Variants in MED27 observed in about 807,000 individuals in gnomAD.
MED27 encodes mediator complex subunit 27.
MED27 carries 30 observed loss-of-function variants against 38.2 expected under a neutral mutation model. The observed-to-expected ratio is 0.79, with a 90% confidence interval of 0.59 to 1.07. The LOEUF (loss-of-function observed/expected upper bound fraction) is 1.07. MED27 is among the 50% of genes least tolerant of loss of function. The probability of loss-of-function intolerance (pLI) is 0.00; values close to 1 mark genes in which losing one functional copy is unlikely to be tolerated. For missense variants in MED27, 289 were observed against 397.5 expected, an observed-to-expected ratio of 0.73 and a Z score of 2.32; for synonymous variants, 122 against 153.5, an observed-to-expected ratio of 0.79 and a Z score of 1.52.
chr9:131,865,575 C>T (rs1838722917), intron 6 of MED27, among the ~76,000 whole-genome samples: 1 of 152,178 alleles, frequency 6.6e-6, no homozygotes, highest in Non-Finnish European at 1.5e-5. Context: ...TCCAGTGTAG[C>T]CCCTGTTGGA....
At chr9:132,034,703 G>A (rs934718422) in intron 2 of MED27, among the ~76,000 whole-genome samples, 2 of 152,098 alleles carry the variant, frequency 1.3e-5, no homozygotes, top group African/African-American at 4.8e-5. Context: ...TGGCACCCAG[G>A]GGGTTCAGGA....
chr9:131,899,948 G>A (rs1304078537), intron 4 of MED27, among the ~76,000 whole-genome samples: 1 of 152,204 alleles, frequency 6.6e-6, no homozygotes, highest in Non-Finnish European at 1.5e-5. Flanking sequence ...GCCCACCGAC[G>A]GGGGCTACAG....
chr9:131,987,400 A>G (rs1307078621), intron 3 of MED27, among the ~76,000 whole-genome samples: 2 of 152,116 alleles, frequency 1.3e-5, no homozygotes, highest in African/African-American at 4.8e-5. Context: ...TAAAGTAGCA[A>G]AGCGGAGTCA....
chr9:132,060,504 A>G (rs1248228674), intron 2 of MED27, among the ~76,000 whole-genome samples: 5 of 152,164 alleles, frequency 3.3e-5, no homozygotes, highest in South Asian at 2.1e-4. Flanking sequence ...CCCGACTGTG[A>G]CCACTGCACG....
At chr9:132,038,385 G>C (rs1163863565) in intron 2 of MED27, among the ~76,000 whole-genome samples, 1 of 151,302 alleles carries the variant, frequency 6.6e-6, no homozygotes, top group East Asian at 1.9e-4. Flanking sequence ...GTAGAGACGG[G>C]GTTTCACCGT....
intron 5 of MED27, among the ~76,000 whole-genome samples, chr9:131,891,809 A>T (rs1839233344): frequency 6.6e-6 from 1 of 152,168 alleles, no homozygotes; most frequent in Non-Finnish European, 1.5e-5. Context: ...CGGTGCGTGC[A>T]TTCTTCAGTG....
intron 3 of MED27, among the ~76,000 whole-genome samples, chr9:131,973,887 T>A (rs1387934140): frequency 3.0e-4 from 45 of 151,810 alleles, no homozygotes; most frequent in African/African-American, 9.4e-4. Flanking sequence ...TTTTCTATTT[T>A]TTTTTTTTTT....
intron 4 of MED27, among the ~76,000 whole-genome samples, chr9:131,932,941 G>A (rs1830615981): frequency 6.6e-6 from 1 of 152,078 alleles, no homozygotes. Context: ...ATTTATTCCA[G>A]GGATGTAAAG....
chr9:131,882,172 C>T (rs1428181720), intron 6 of MED27, among the ~76,000 whole-genome samples: 2 of 152,158 alleles, frequency 1.3e-5, no homozygotes, highest in Non-Finnish European at 2.9e-5. Flanking sequence ...GGTTTTCAGC[C>T]TCAGACTACT....
chr9:131,994,590 T>G (rs761727353), intron 3 of MED27, among the ~76,000 whole-genome samples: 1 of 152,202 alleles, frequency 6.6e-6, no homozygotes, highest in Non-Finnish European at 1.5e-5. Flanking sequence ...ATTGCCACCA[T>G]GGTATCAGAT....
intron 4 of MED27, among the ~76,000 whole-genome samples, chr9:131,908,663 C>T (rs369041164): frequency 1.3e-5 from 2 of 152,042 alleles, no homozygotes; most frequent in African/African-American, 4.8e-5. Context: ...TTTGTTAAAC[C>T]GATGCTTGAA....
chr9:132,039,000 T>TGGA (rs1833145624), intron 2 of MED27, among the ~76,000 whole-genome samples: 1 of 152,182 alleles, frequency 6.6e-6, no homozygotes, highest in African/African-American at 2.4e-5. Flanking sequence ...GACAAGAACA[T>TGGA]GGAGGTCAAC....
intron 4 of MED27, among the ~76,000 whole-genome samples, chr9:131,894,854 G>A (rs1460543860): frequency 5.3e-5 from 8 of 152,080 alleles, no homozygotes; most frequent in Admixed American, 2.6e-4. Context: ...TCAAGGAGGC[G>A]GATCCCTCAG....
At chr9:132,013,016 C>G (rs1832517152) in intron 3 of MED27, among the ~76,000 whole-genome samples, 1 of 152,190 alleles carries the variant, frequency 6.6e-6, no homozygotes, top group Non-Finnish European at 1.5e-5. Context: ...AGGATGTAAT[C>G]AGAAGAAGGT....
intron 3 of MED27, among the ~76,000 whole-genome samples, chr9:131,955,184 G>C (rs1353340133): frequency 3.3e-5 from 5 of 152,010 alleles, no homozygotes; most frequent in African/African-American, 7.3e-5. Flanking sequence ...AACAACTCAC[G>C]GGTCAAAGAA....
At chr9:131,899,186 G>A (rs920755098) in intron 4 of MED27, among the ~76,000 whole-genome samples, 5 of 152,216 alleles carry the variant, frequency 3.3e-5, no homozygotes, top group Admixed American at 6.5e-5. Flanking sequence ...GCCAGTTAAC[G>A]TCAAAGCTGG....
At position 131,883,098 on chromosome 9, in the gene MED27, G is replaced by A. The variant is rs111330452; in HGVS notation, c.723+960C>T. Reference sequence around the variant, plus strand: ...AATTTTATATTTTTAGTACAGACAGGGTTTTGCCATATTGGCTAGGCTGGT... The same window carrying A: ...AATTTTATATTTTTAGTACAGACAGAGTTTTGCCATATTGGCTAGGCTGGT... On this transcript the variant is annotated intron_variant, in intron 6 of 7. Coordinates refer to ENST00000292035, the MANE Select transcript of MED27 (RefSeq NM_004269.4). This position sits in a 1 kb window ranked among gnomAD's most constrained non-coding sequence, Gnocchi z 4.2. 0.025 allele frequency among the ~76,000 whole-genome samples: 3,786 copies of A among 152,230 alleles called. 62 individuals carry two copies. The highest frequency in any genetic ancestry group is 0.054 in the Middle Eastern group (16 of 294).
intron 5 of MED27, among the ~76,000 whole-genome samples, chr9:131,885,812 G>A (rs1317804414): frequency 1.3e-5 from 2 of 152,144 alleles, no homozygotes; most frequent in South Asian, 2.1e-4. Flanking sequence ...ACGGCTCAAG[G>A]GCAATGAGGA....
chr9:131,965,314 T>C (rs1831314348), intron 3 of MED27, among the ~76,000 whole-genome samples: 1 of 152,212 alleles, frequency 6.6e-6, no homozygotes, highest in East Asian at 1.9e-4. Flanking sequence ...CGCGAGGCCA[T>C]GGCATTAAGT....
Sources: gnomAD v4.1 joint callset for allele counts (sites outside exome capture counted in the v4.1 genomes callset) on GRCh38, gnomAD v4.1.1 for gene constraint, Gnocchi (gnomAD v3.1) non-coding constraint, MANE v1.5 for transcripts, NCBI Gene and HGNC (gene_info 2026-07-23, HGNC 2026-07-21) for gene names.